Variants in SUCLG2 observed in about 807,000 individuals in gnomAD.
SUCLG2 encodes the protein succinate--CoA ligase [GDP-forming] subunit beta, mitochondrial.
A neutral mutation model predicts 47.9 loss-of-function variants in SUCLG2; 42 were observed. The observed-to-expected ratio is 0.88, with a 90% CI of 0.69 to 1.14. The LOEUF is 1.14. SUCLG2 is among the 50% of genes most tolerant of loss of function. The probability of loss-of-function intolerance (pLI) is 0.00; values close to 1 mark genes in which losing one functional copy is unlikely to be tolerated. For synonymous variants in SUCLG2, 195 were observed against 197.3 expected (o/e 0.99, Z 0.10); for missense variants, 571 against 525.9 (o/e 1.09, Z -0.84).
intron 9 of SUCLG2, among the ~76,000 whole-genome samples, chr3:67,425,859 G>A (rs756538258): frequency 6.6e-6 from 1 of 152,102 alleles, no homozygotes; most frequent in East Asian, 1.9e-4. Flanking sequence ...ATAAACATTC[G>A]AGCTGTCGAG....
At chr3:67,548,484 G>T (rs1239104989) in intron 2 of SUCLG2, among the ~76,000 whole-genome samples, 1 of 152,054 alleles carries the variant, frequency 6.6e-6, no homozygotes, top group African/African-American at 2.4e-5. Flanking sequence ...ATCCATATCA[G>T]TTATTAGAGT....
chr3:67,652,743 T>G (rs1701309631), intron 1 of SUCLG2, among the ~76,000 whole-genome samples: 1 of 152,190 alleles, frequency 6.6e-6, no homozygotes, highest in African/African-American at 2.4e-5. Flanking sequence ...AAGGTAAGCC[T>G]TTACTCTGGA....
chr3:67,431,654 C>T (rs971448705), intron 9 of SUCLG2, among the ~76,000 whole-genome samples: 45 of 151,618 alleles, frequency 3.0e-4, no homozygotes, highest in African/African-American at 1.0e-3. Context: ...AACCAAACAC[C>T]GCATGTTCTC....
chr3:67,398,242 A>C (rs907272201), intron 10 of SUCLG2, among the ~76,000 whole-genome samples: 2 of 150,612 alleles, frequency 1.3e-5, no homozygotes, highest in South Asian at 2.1e-4. Flanking sequence ...CAATCTACAA[A>C]ATGGGAGAAA....
chr3:67,535,488 G>A (rs1706514172), intron 2 of SUCLG2, among the ~76,000 whole-genome samples: 1 of 152,128 alleles, frequency 6.6e-6, no homozygotes, highest in Non-Finnish European at 1.5e-5. Context: ...GTTGAAATCT[G>A]ACCTCCAGTG....
chr3:67,612,441 G>A (rs193204661), intron 1 of SUCLG2, among the ~76,000 whole-genome samples: 1 of 151,966 alleles, frequency 6.6e-6, no homozygotes, highest in Admixed American at 6.5e-5. Flanking sequence ...AAAAGGGTGA[G>A]AAGAAATCTG....
intron 9 of SUCLG2, among the ~76,000 whole-genome samples, chr3:67,453,858 T>G (rs1228004387): frequency 2.6e-5 from 4 of 152,188 alleles, no homozygotes; most frequent in Non-Finnish European, 4.4e-5. Context: ...GAAACATAAT[T>G]CTAGCTGTGT....
chr3:67,479,718 A>G (rs1704861182), intron 9 of SUCLG2, among the ~76,000 whole-genome samples: 1 of 152,266 alleles, frequency 6.6e-6, no homozygotes. Context: ...CTTAACGGGG[A>G]CAAAAATGAA....
At position 67,472,595 on chromosome 3, in the gene SUCLG2, A is replaced by T. The variant is rs189651950; in HGVS notation, c.1062+23203T>A. On this transcript the variant is annotated intron_variant, in intron 9 of 10. Transcript: ENST00000307227. ...GCCATCTGTTAATGTCTAAATATCT[A>T]TTATACTTGTTAATAGGTTTTTATT... is the stretch of plus-strand genomic sequence containing the variant. Among the ~76,000 whole-genome samples, 763 of 152,290 alleles carry T rather than the reference A, an allele frequency of 5.0e-3. 7 individuals are homozygous for T. The highest frequency in any genetic ancestry group is 0.018 in the African/African-American group (740 of 41,566).
chr3:67,378,009 T>C (rs1702071653), intron 10 of SUCLG2, among the ~76,000 whole-genome samples: 1 of 152,154 alleles, frequency 6.6e-6, no homozygotes, highest in South Asian at 2.1e-4. Flanking sequence ...TTAATAACTC[T>C]CTGGAGCCAA....
intron 10 of SUCLG2, among the ~76,000 whole-genome samples, chr3:67,380,228 G>T (rs796968442): frequency 3.8e-4 from 55 of 146,260 alleles, no homozygotes; most frequent in African/African-American, 1.2e-3. Flanking sequence ...GGCTCCTTTT[G>T]CTGGGAAGGG....
chr3:67,641,338 C>A (rs1170186447), intron 1 of SUCLG2, among the ~76,000 whole-genome samples: 2 of 152,128 alleles, frequency 1.3e-5, no homozygotes, highest in Admixed American at 6.5e-5. Flanking sequence ...GGCAGTGGTC[C>A]ATGGGCTAGC....
intron 3 of SUCLG2, 38 bp downstream of exon 3, chr3:67,529,045 CTGCT>C (rs1706331418): frequency 6.5e-7 from 1 of 1,547,512 alleles, no homozygotes; most frequent in Non-Finnish European, 8.8e-7. Context: ...TCTTCCATAA[CTGCT>C]TGGCCAAAAG....
chr3:67,615,621 AAC>A (rs60992383), intron 1 of SUCLG2, among the ~76,000 whole-genome samples: 1,648 of 141,904 alleles, frequency 0.012, 19 homozygotes, highest in East Asian at 0.03. Flanking sequence ...CACAAACACA[AAC>A]ACACACACAC....
chr3:67,375,143 T>C lies in SUCLG2; in HGVS notation c.*601A>G. ...TAAAAACACATGGATGGTATATTAA[T>C]GCAGATATTCCATTATTAAATATAT... On this transcript the variant is annotated 3_prime_UTR_variant, in exon 11 of 11. Transcript: ENST00000307227. The C allele has an allele frequency of 5.1e-6, 5 of 985,244 alleles. No individual in the cohort carries two copies. Among genetic ancestry groups the C allele is most frequent in the Non-Finnish European group, 6.0e-6 (5 of 829,388 alleles). The allele number at this position is 985,244 out of a possible 1,614,324, so 61.0% of individuals were successfully genotyped here.
intron 10 of SUCLG2, among the ~76,000 whole-genome samples, chr3:67,369,020 T>G (rs1363426729): frequency 6.6e-6 from 1 of 152,196 alleles, no homozygotes; most frequent in Non-Finnish European, 1.5e-5. Context: ...AGAAAACTCT[T>G]CACTGAGGGT....
chr3:67,483,479 C>T lies in SUCLG2; in HGVS notation c.1062+12319G>A, dbSNP rs1009519833. ...ATAACAAACACCTGGCATTTTCAAG[C>T]CCCCTTTCATTTTTATATTTCAAAC... On this transcript the variant is annotated intron_variant, in intron 9 of 10. Transcript: ENST00000307227. 2.0e-5 allele frequency among the ~76,000 whole-genome samples: 3 copies of T among 152,080 alleles called. No homozygotes were observed. In the South Asian group the frequency reaches 6.2e-4, roughly 32 times the overall value.
Position 67,609,577 on chromosome 3 carries a change from C to G in SUCLG2, c.104G>C (p.Arg35Thr), listed in dbSNP as rs745409063. 4 of 1,613,654 alleles carry G rather than the reference C, an allele frequency of 2.5e-6. No homozygotes were observed. In the East Asian group the frequency reaches 6.7e-5, roughly 27 times the overall value. ...GTATTCCTGCAGGTTCAGCCATCTT[C>G]TGGAGGTTAATTGAACTGCCTACAG... ...AGSQAVQLTS[R>T]RWLNLQEYQS... is the part of the protein sequence containing the mutation. Residue 35 changes from arginine to threonine, a missense_variant, in exon 2 of 11, where the codon AGA becomes ACA. Arg to Thr is a moderately conservative substitution (Grantham distance 71). Coordinates refer to ENST00000307227, the MANE Select transcript of SUCLG2 (RefSeq NM_003848.4).
intron 2 of SUCLG2, among the ~76,000 whole-genome samples, chr3:67,552,064 T>A (rs1228074573): frequency 6.7e-6 from 1 of 148,844 alleles, no homozygotes; most frequent in Non-Finnish European, 1.5e-5. Context: ...CCACCCAGTA[T>A]CAAATATGAC....
Sources: allele counts gnomAD v4.1 joint callset (sites outside exome capture counted in the v4.1 genomes callset), GRCh38; gene constraint gnomAD v4.1.1; transcripts MANE v1.5; gene names NCBI Gene and HGNC (gene_info 2026-07-23, HGNC 2026-07-21).